Variants in MEGF9 observed in about 807,000 individuals in gnomAD.
MEGF9 encodes the protein multiple epidermal growth factor-like domains protein 9.
In MEGF9, 6 loss-of-function variants were observed where a neutral mutation model predicts 46.8. The observed-to-expected ratio is 0.13, with a 90% confidence interval of 0.07 to 0.25. The LOEUF (loss-of-function observed/expected upper bound fraction) is 0.25, where lower values mean the gene tolerates loss of function less well. MEGF9 is among the 10% of genes least tolerant of loss of function. MEGF9 has a pLI of 1.00. For synonymous variants in MEGF9, 302 were observed against 330.7 expected (o/e 0.91, Z 0.94); for missense variants, 683 against 792.4 (o/e 0.86, Z 1.66).
intron 2 of MEGF9, among the ~76,000 whole-genome samples, chr9:120,630,512 A>T (rs1295451348): frequency 6.6e-6 from 1 of 152,148 alleles, no homozygotes; most frequent in Non-Finnish European, 1.5e-5. Flanking sequence ...TTCCTTTCCT[A>T]TAGATATACA....
At chr9:120,693,275 C>CA (rs10633158) in intron 1 of MEGF9, among the ~76,000 whole-genome samples, 8,369 of 104,414 alleles carry the variant, frequency 0.08, 327 homozygotes, top group Middle Eastern at 0.11. Flanking sequence ...TCTGGTTAAC[C>CA]AAAAAAAAAA....
At chr9:120,640,487 G>A (rs868282350) in intron 2 of MEGF9, among the ~76,000 whole-genome samples, 28 of 151,616 alleles carry the variant, frequency 1.8e-4, no homozygotes, top group Admixed American at 2.0e-4. Context: ...GTGGAATCAG[G>A]GGGGTTTTAT....
rs560440133 is a variant in MEGF9, at chr9:120,645,753, A to T, written c.803+13621T>A. On this transcript the variant is annotated intron_variant, in intron 2 of 5. Transcript: ENST00000373930. ...CAATATCTATTGTTTGCTACCCTCAAAGGCCTCCTTATAAAGATTAACAGT... is the reference window on the plus strand; with the variant it reads ...CAATATCTATTGTTTGCTACCCTCATAGGCCTCCTTATAAAGATTAACAGT... 3.5e-3 allele frequency among the ~76,000 whole-genome samples: 531 copies of T among 152,350 alleles called. 4 individuals are homozygous for T. Among genetic ancestry groups the T allele is most frequent in the African/African-American group, 0.012 (505 of 41,580 alleles).
At chr9:120,701,139 AC>A (rs2043903174) in intron 1 of MEGF9, among the ~76,000 whole-genome samples, 1 of 151,562 alleles carries the variant, frequency 6.6e-6, no homozygotes, top group East Asian at 1.9e-4. Context: ...AAAAAAAAAA[AC>A]AATTTCCAAA....
chr9:120,683,532 G>A (rs573117941), intron 1 of MEGF9, among the ~76,000 whole-genome samples: 129 of 152,248 alleles, frequency 8.5e-4, no homozygotes, highest in Admixed American at 3.3e-4. Flanking sequence ...CTTTCCTGCC[G>A]CCATGTGAAG....
intron 1 of MEGF9, among the ~76,000 whole-genome samples, chr9:120,666,372 T>C (rs1398324941): frequency 6.6e-6 from 1 of 152,178 alleles, no homozygotes; most frequent in East Asian, 1.9e-4. Flanking sequence ...AGTTCTATTC[T>C]CAGCACACAC....
At chr9:120,681,250 T>C (rs961099079) in intron 1 of MEGF9, among the ~76,000 whole-genome samples, 2 of 152,168 alleles carry the variant, frequency 1.3e-5, no homozygotes, top group South Asian at 4.1e-4. Flanking sequence ...AGGTGATGAA[T>C]GCCGCCAGGA....
At chr9:120,619,977 C>T (rs553791538) in intron 3 of MEGF9, among the ~76,000 whole-genome samples, 1 of 152,270 alleles carries the variant, frequency 6.6e-6, no homozygotes, top group African/African-American at 2.4e-5. Flanking sequence ...AGTCACTTGA[C>T]GAGAGTGGTT....
rs1241087075 is a variant in MEGF9, at chr9:120,713,879, T to C, written c.480A>G (p.Val160=). 2 of 1,315,442 alleles carry C rather than the reference T, an allele frequency of 1.5e-6. No individual in the cohort carries two copies. The highest frequency in any genetic ancestry group is 2.8e-5 in the East Asian group (1 of 35,632). 81.5% of individuals were successfully genotyped at this position (1,315,442 alleles called of 1,614,324 possible). The change falls in exon 1 of 6, where the codon GTA becomes GTG. Residue 160 remains valine, a synonymous_variant. Coordinates refer to ENST00000373930, the MANE Select transcript of MEGF9 (RefSeq NM_001080497.3). ...TTTGPAPTTP[V]ATTVPAPTTP... Reference sequence around the variant, plus strand: ...TCGTGGGCGCCGGTACGGTGGTCGCTACAGGGGTGGTCGGCGCCGGGCCAG... The same window carrying C: ...TCGTGGGCGCCGGTACGGTGGTCGCCACAGGGGTGGTCGGCGCCGGGCCAG...
chr9:120,602,761 G>C lies in MEGF9; in HGVS notation c.*2429C>G, dbSNP rs574508999. On this transcript the variant is annotated 3_prime_UTR_variant, in exon 6 of 6. Coordinates refer to ENST00000373930, the MANE Select transcript of MEGF9 (RefSeq NM_001080497.3). ...ACCACCTTTAATCCTGACCTTTTTT[G>C]GGGGGGGCAGGGGGCGGTGTATCTG... The C allele has an allele frequency of 4.0e-5, 6 of 151,246 alleles. No individual in the cohort carries two copies. The East Asian group carries it at 5.8e-4, about 15-fold the overall frequency. 9.4% of individuals were successfully genotyped at this position (151,246 alleles called of 1,614,324 possible). A position where few individuals can be genotyped will look rare whatever the true frequency, so the allele number is the denominator to read the frequency against.
intron 2 of MEGF9, among the ~76,000 whole-genome samples, chr9:120,651,768 T>C (rs1259661643): frequency 1.3e-5 from 2 of 151,576 alleles, no homozygotes; most frequent in Non-Finnish European, 2.9e-5. Context: ...TTCTCCTGTC[T>C]CAGCCTCCTG....
At chr9:120,651,888 T>A (rs2043651424) in intron 2 of MEGF9, among the ~76,000 whole-genome samples, 1 of 151,680 alleles carries the variant, frequency 6.6e-6, no homozygotes, top group South Asian at 2.1e-4. Context: ...CCTGACCTCA[T>A]GATCCACCCA....
At chr9:120,660,893 T>C (rs775840917) in intron 1 of MEGF9, among the ~76,000 whole-genome samples, 3 of 152,222 alleles carry the variant, frequency 2.0e-5, no homozygotes, top group Non-Finnish European at 4.4e-5. Context: ...AAAATGGCAC[T>C]GTACCAACAC....
Position 120,604,673 on chromosome 9 carries a change from C to T in MEGF9, c.*517G>A, listed in dbSNP as rs1317078672. ...TGAAGATCTTGGGACTTTTCTACCC[C>T]TGTTCTAGAAACAATCAAGATTATT... On this transcript the variant is annotated 3_prime_UTR_variant, in exon 6 of 6. Transcript: ENST00000373930. 6.4e-6 allele frequency: 1 copy of T among 156,534 alleles called. No individual in the cohort carries two copies. Among genetic ancestry groups the T allele is most frequent in the Non-Finnish European group, 1.4e-5 (1 of 70,340 alleles). 9.7% of individuals were successfully genotyped at this position (156,534 alleles called of 1,614,324 possible).
intron 1 of MEGF9, among the ~76,000 whole-genome samples, chr9:120,670,152 C>T (rs2043742217): frequency 6.6e-6 from 1 of 152,174 alleles, no homozygotes. Flanking sequence ...GCTAGAGTGC[C>T]ATGGCACACT....
chr9:120,683,666 C>A lies in MEGF9; in HGVS notation c.602-24091G>T, dbSNP rs117864679. On this transcript the variant is annotated intron_variant, in intron 1 of 5. Transcript: ENST00000373930. ...ATAAATTACCCAGTCTCAAGTAGTT[C>A]TTTATAGCAGTTTGAAAACTGGCAG... Among the ~76,000 whole-genome samples, 1,210 of 152,242 alleles carry A rather than the reference C, an allele frequency of 7.9e-3. 10 individuals carry two copies. The highest frequency in any genetic ancestry group is 0.012 in the Non-Finnish European group (790 of 68,014).
At chr9:120,695,483 T>C (rs1026108550) in intron 1 of MEGF9, among the ~76,000 whole-genome samples, 4 of 151,060 alleles carry the variant, frequency 2.6e-5, no homozygotes, top group African/African-American at 9.7e-5. Context: ...TGGGTGCCTG[T>C]AATCCAGCTA....
At chr9:120,670,742 T>C (rs1018041274) in intron 1 of MEGF9, among the ~76,000 whole-genome samples, 2 of 152,040 alleles carry the variant, frequency 1.3e-5, no homozygotes, top group Non-Finnish European at 2.9e-5. Context: ...AAACAATCCC[T>C]CCAACTGCGC....
intron 1 of MEGF9, among the ~76,000 whole-genome samples, chr9:120,707,823 A>C (rs2043935446): frequency 6.6e-6 from 1 of 152,052 alleles, no homozygotes; most frequent in Non-Finnish European, 1.5e-5. Flanking sequence ...CAGGCAGATC[A>C]TTTGAGGTCA....
Sources: gnomAD v4.1 joint callset for allele counts (sites outside exome capture counted in the v4.1 genomes callset) on GRCh38, gnomAD v4.1.1 for gene constraint, MANE v1.5 for transcripts, NCBI Gene and HGNC (gene_info 2026-07-23, HGNC 2026-07-21) for gene names.